Variants in PGAM5 observed in about 807,000 individuals in gnomAD.
PGAM5 encodes serine/threonine-protein phosphatase PGAM5, mitochondrial.
A neutral mutation model predicts 30.6 loss-of-function variants in PGAM5; 25 were observed. The observed-to-expected ratio is 0.82, with a 90% CI of 0.60 to 1.14. The LOEUF (loss-of-function observed/expected upper bound fraction) is 1.14, where lower values mean the gene tolerates loss of function less well. Ranked by LOEUF, PGAM5 falls within the 50% of genes most tolerant of loss-of-function variation. PGAM5 has a pLI of 0.00. For synonymous variants in PGAM5, 201 were observed against 179.1 expected, an observed-to-expected ratio of 1.12 and a Z score of -0.98; for missense variants, 384 against 408.5, an observed-to-expected ratio of 0.94 and a Z score of 0.52.
rs1385665544 is a variant in PGAM5 at position 132,719,903 on chromosome 12, A to G, written c.720-775A>G. 2.6e-5 allele frequency among the ~76,000 whole-genome samples: 4 copies of G among 152,208 alleles called. No individual in the cohort carries two copies. The East Asian group carries it at 7.7e-4, about 29-fold the overall frequency. ...GAAGATGCCACGGCGGGTAGATCCC[A>G]TCTCCGTTCTTTGCTTTCCCAGAAA... On this transcript the variant is annotated intron_variant, in intron 5 of 5. Coordinates refer to ENST00000498926, the MANE Select transcript of PGAM5 (RefSeq NM_001170543.2).
At chr12:132,713,662 C>T (rs945601255) in intron 1 of PGAM5, among the ~76,000 whole-genome samples, 1 of 152,120 alleles carries the variant, frequency 6.6e-6, no homozygotes, top group African/African-American at 2.4e-5. Context: ...CCCAGCTCTG[C>T]CGCGTTGAAC....
intron 2 of PGAM5, among the ~76,000 whole-genome samples, chr12:132,717,221 C>T (rs1038159746): frequency 6.6e-6 from 1 of 151,946 alleles, no homozygotes; most frequent in African/African-American, 2.4e-5. Context: ...GTGCCGGCCC[C>T]TCTGGCCCAA....
At position 132,720,953 on chromosome 12, in the gene PGAM5, C is replaced by A; in HGVS notation, c.*125C>A. 8.1e-7 allele frequency: 1 copy of A among 1,236,342 alleles called. No individual in the cohort carries two copies. The highest frequency in any genetic ancestry group is 1.1e-6 in the Non-Finnish European group (1 of 913,626). The allele number at this position is 1,236,342 out of a possible 1,614,324, so 76.6% of individuals were successfully genotyped here. A position where few individuals can be genotyped will look rare whatever the true frequency, so the allele number is the denominator to read the frequency against. On this transcript the variant is annotated 3_prime_UTR_variant, in exon 6 of 6. Transcript: ENST00000498926. ...CTGCATCTGGGAACTGACTTGTGAC[C>A]AGGCTGAGAAGGGGAGAGTTGGGAT... is the stretch of plus-strand genomic sequence containing the variant.
At chr12:132,718,177 A>G in intron 5 of PGAM5, 57 bp downstream of exon 5, 1 of 1,603,784 alleles carries the variant, frequency 6.2e-7, no homozygotes, top group Middle Eastern at 1.7e-4. Flanking sequence ...AGAGAAAAGC[A>G]TGAGGAAGAA....
rs1214240897 is a variant in PGAM5, at chr12:132,710,922, G to C, written c.46G>C (p.Gly16Arg). Residue 16 changes from glycine (G) to arginine (R), a missense_variant, in exon 1 of 6, where the codon GGG becomes CGG. Transcript: ENST00000498926. Reference protein sequence around the residue: ...ALQLAACGLAGGSAAVLFSAV... With the variant: ...ALQLAACGLARGSAAVLFSAV... ...GCAGCTGGCGGCCTGCGGGCTGGCC[G>C]GGGGCTCGGCCGCCGTGCTCTTCTC... The C allele has an allele frequency of 2.6e-6, 3 of 1,156,452 alleles. No homozygotes were observed. Among genetic ancestry groups the C allele is most frequent in the Admixed American group, 4.8e-5 (1 of 21,024 alleles). The allele number at this position is 1,156,452 out of a possible 1,614,324, so 71.6% of individuals were successfully genotyped here. A position where few individuals can be genotyped will look rare whatever the true frequency, so the allele number is the denominator to read the frequency against.
At chr12:132,712,510 G>A (rs926572331) in intron 1 of PGAM5, among the ~76,000 whole-genome samples, 3 of 152,144 alleles carry the variant, frequency 2.0e-5, no homozygotes, top group Non-Finnish European at 4.4e-5. Flanking sequence ...AGGCTGGAGT[G>A]CAATGGTGCA....
intron 5 of PGAM5, chr12:132,719,220 AG>A: frequency 8.8e-7 from 1 of 1,138,290 alleles, no homozygotes; most frequent in South Asian, 2.0e-5. Context: ...TCCGCAGCTG[AG>A]GGGGCCCTCT....
At position 132,722,718 on chromosome 12, in the gene PGAM5, T is replaced by C. The variant is rs1029278033; in HGVS notation, c.*1890T>C. 2.0e-5 allele frequency: 3 copies of C among 152,180 alleles called. No homozygotes were observed. Among genetic ancestry groups the C allele is most frequent in the African/African-American group, 7.2e-5 (3 of 41,440 alleles). 9.4% of individuals were successfully genotyped at this position (152,180 alleles called of 1,614,324 possible). A position where few individuals can be genotyped will look rare whatever the true frequency, so the allele number is the denominator to read the frequency against. ...AAATGATTGCATAATAAATAAAATT[T>C]TACTGTTTTTTTAAAAGGACTAGTT... On this transcript the variant is annotated 3_prime_UTR_variant, in exon 6 of 6. Transcript: ENST00000498926.
At chr12:132,719,235 G>A in intron 5 of PGAM5, 4 of 1,136,168 alleles carry the variant, frequency 3.5e-6, no homozygotes, top group Non-Finnish European at 4.4e-6. Context: ...GCCCTCTTGA[G>A]TGTGACGAGT....
At chr12:132,711,174 C>A in intron 1 of PGAM5, 107 bp downstream of exon 1, 1 of 875,814 alleles carries the variant, frequency 1.1e-6, no homozygotes, top group Non-Finnish European at 1.5e-6. Context: ...GGGTCGGGAT[C>A]TGGGGTCGCC....
chr12:132,711,319 T>G, intron 1 of PGAM5: 1 of 266,858 alleles, frequency 3.7e-6, no homozygotes, highest in Non-Finnish European at 7.0e-6. Context: ...CCCCTGCGAG[T>G]CCGCCCTGGG....
intron 5 of PGAM5, among the ~76,000 whole-genome samples, chr12:132,719,746 G>A (rs895630333): frequency 1.3e-5 from 2 of 152,270 alleles, no homozygotes; most frequent in Non-Finnish European, 2.9e-5. Flanking sequence ...CCGCCAGGCA[G>A]CCCTGAGGAG....
chr12:132,716,766 C>T (rs1187460723), intron 2 of PGAM5, among the ~76,000 whole-genome samples: 1 of 152,196 alleles, frequency 6.6e-6, no homozygotes, highest in East Asian at 1.9e-4. Context: ...CCTGTTCATG[C>T]ACATACTAAA....
chr12:132,714,210 AT>A (rs921650570), intron 1 of PGAM5, among the ~76,000 whole-genome samples: 5 of 151,588 alleles, frequency 3.3e-5, no homozygotes, highest in African/African-American at 1.2e-4. Context: ...TAGAGGTGCA[AT>A]TTCACCATGT....
intron 1 of PGAM5, chr12:132,711,654 C>G (rs1200903832): frequency 6.6e-6 from 1 of 151,668 alleles, no homozygotes; most frequent in African/African-American, 2.4e-5. Context: ...AGCGAGGTGG[C>G]GCGCGCCTGT....
At chr12:132,719,233 G>A in intron 5 of PGAM5, 1 of 1,137,878 alleles carries the variant, frequency 8.8e-7, no homozygotes, top group South Asian at 2.0e-5. Flanking sequence ...GGGCCCTCTT[G>A]AGTGTGACGA....
At chr12:132,718,591 C>CATGCTGGGTGGGGGT (rs2043611220) in intron 5 of PGAM5, among the ~76,000 whole-genome samples, 1 of 15,768 alleles carries the variant, frequency 6.3e-5, no homozygotes, top group East Asian at 2.7e-3. Context: ...GGGTGGGGTG[C>CATGCTGGGTGGGGGT]GTGCTGGGTG....
At position 132,714,851 on chromosome 12, in the gene PGAM5, A is replaced by T; in HGVS notation, c.192-7A>T. On this transcript the variant is annotated splice_polypyrimidine_tract_variant and splice_region_variant and intron_variant, in intron 1 of 5. Transcript: ENST00000498926. Reference sequence around the variant, plus strand: ...TCTCAAGGACATATCTTGTATTTCAACATCAGGCGAGAACCACTGTCTCTG... The same window carrying T: ...TCTCAAGGACATATCTTGTATTTCATCATCAGGCGAGAACCACTGTCTCTG... 1 of 1,613,098 alleles carries T rather than the reference A, an allele frequency of 6.2e-7. No homozygotes were observed. Among genetic ancestry groups the T allele is most frequent in the South Asian group, 1.1e-5 (1 of 91,042 alleles).
chr12:132,717,585 C>T lies in PGAM5; in HGVS notation c.496+21C>T, dbSNP rs1192886935. 2.5e-6 allele frequency: 4 copies of T among 1,608,892 alleles called. No homozygotes were observed. The African/African-American group carries it at 4.0e-5, about 16-fold the overall frequency. On this transcript the variant is annotated intron_variant, in intron 3 of 5. Coordinates refer to ENST00000498926, the MANE Select transcript of PGAM5 (RefSeq NM_001170543.2). ...GCCAGGTGAGTGCTGCGCGCGGGGC[C>T]TCCATGCTTGCAGCAGTGGGCGGCT... is the stretch of plus-strand genomic sequence containing the variant.
Sources: allele counts gnomAD v4.1 joint callset (sites outside exome capture counted in the v4.1 genomes callset), GRCh38; gene constraint gnomAD v4.1.1; transcripts MANE v1.5; gene names NCBI Gene and HGNC (gene_info 2026-07-23, HGNC 2026-07-21).